RFK: variants seen among roughly 807,000 people sequenced by gnomAD.
RFK encodes riboflavin kinase.
In RFK, 4 loss-of-function variants were observed where a neutral mutation model predicts 17.6. The ratio of observed to expected loss-of-function variants is 0.23; its 90% CI spans 0.11 to 0.52. RFK has a LOEUF of 0.52. Ranked by LOEUF, RFK falls within the 20% of genes least tolerant of loss-of-function variation. The probability of loss-of-function intolerance (pLI) is 0.96; values close to 1 mark genes in which losing one functional copy is unlikely to be tolerated. For synonymous variants in RFK, 59 were observed against 63.8 expected, an observed-to-expected ratio of 0.92 and a Z score of 0.36; for missense variants, 189 against 187.7, an observed-to-expected ratio of 1.01 and a Z score of -0.04.
At chr9:76,392,368 T>C (rs1460699254) in intron 2 of RFK, 50 bp downstream of exon 2, 1 of 1,584,382 alleles carries the variant, frequency 6.3e-7, no homozygotes, top group African/African-American at 1.3e-5. Context: ...TAATATATTA[T>C]TCTAAGTCAT....
Position 76,387,500 on chromosome 9 carries a change from T to C in RFK, c.367A>G (p.Ile123Val). ...TCTAGTCGTTTCTTAGCTTCTTCAA[T>C]ATCACCTTGAATTGCTGAAATAAGT... ...ESLISAIQGD[I>V]EEAKKRLELP... The change falls in exon 4 of 4, where the codon ATT becomes GTT. Residue 123 changes from isoleucine to valine, a missense_variant. Around this residue, in one of 3 missense-constraint regions of RFK, gnomAD observed 95 missense variants for 95.7 expected, o/e 0.99. Transcript: ENST00000376736. 1 of 1,611,554 alleles carries C rather than the reference T, an allele frequency of 6.2e-7. No homozygotes were observed. The highest frequency in any genetic ancestry group is 8.5e-7 in the Non-Finnish European group (1 of 1,179,440).
intron 1 of RFK, among the ~76,000 whole-genome samples, 171 bp from the exon 2 acceptor site, chr9:76,392,740 T>C (rs1358972497): frequency 6.6e-6 from 1 of 152,058 alleles, no homozygotes; most frequent in Non-Finnish European, 1.5e-5. Flanking sequence ...AGATCTTACC[T>C]CTATTAAAAA....
At chr9:76,394,057 C>T in intron 1 of RFK, 33 bp downstream of exon 1, 2 of 1,558,358 alleles carry the variant, frequency 1.3e-6, no homozygotes, top group Non-Finnish European at 1.7e-6. Flanking sequence ...CCACGTGACC[C>T]GGCCCGGGGG....
At position 76,387,246 on chromosome 9, in the gene RFK, G is replaced by A. The variant is rs1162702965; in HGVS notation, c.*153C>T. The A allele has an allele frequency of 3.4e-5, 22 of 654,100 alleles. No individual in the cohort carries two copies. Among genetic ancestry groups the A allele is most frequent in the Non-Finnish European group, 5.4e-5 (21 of 388,420 alleles). The allele number at this position is 654,100 out of a possible 1,614,324, so 40.5% of individuals were successfully genotyped here. A position where few individuals can be genotyped will look rare whatever the true frequency, so the allele number is the denominator to read the frequency against. On this transcript the variant is annotated 3_prime_UTR_variant, in exon 4 of 4. Transcript: ENST00000376736. Reference sequence around the variant, plus strand: ...ATATGATGGGCTTAATTTAATAGTTGAAGCATGATATGATAACAACATTGT... The same window carrying A: ...ATATGATGGGCTTAATTTAATAGTTAAAGCATGATATGATAACAACATTGT...
chr9:76,394,373 G>C lies in RFK; in HGVS notation c.-202C>G. ...CCGCCGACCCAACAAATACCGCCGG[G>C]CGCCTGAGGAGCTGCGTCTCCGCTG... On this transcript the variant is annotated 5_prime_UTR_variant, in exon 1 of 4. Coordinates refer to ENST00000376736, the MANE Select transcript of RFK (RefSeq NM_018339.6). 2.0e-6 allele frequency: 1 copy of C among 503,138 alleles called. No homozygotes were observed. Among genetic ancestry groups the C allele is most frequent in the Non-Finnish European group, 3.5e-6 (1 of 288,424 alleles). The allele number at this position is 503,138 out of a possible 1,614,324, so 31.2% of individuals were successfully genotyped here.
rs1395211909 is a variant in RFK at position 76,386,054 on chromosome 9, A to G, written c.*1345T>C. 6.6e-6 allele frequency: 1 copy of G among 152,224 alleles called. No individual in the cohort carries two copies. Among genetic ancestry groups the G allele is most frequent in the East Asian group, 1.9e-4 (1 of 5,202 alleles). The allele number at this position is 152,224 out of a possible 1,614,324, so 9.4% of individuals were successfully genotyped here. On this transcript the variant is annotated 3_prime_UTR_variant, in exon 4 of 4. Transcript: ENST00000376736. ...AGATTAGGGGAAAATGATTCATAAT[A>G]AATTAACTTTAAAATTACCTTCTAT...
At chr9:76,393,208 CTTT>C (rs10716702) in intron 1 of RFK, among the ~76,000 whole-genome samples, 20 of 131,782 alleles carry the variant, frequency 1.5e-4, no homozygotes, top group Non-Finnish European at 2.3e-4. Flanking sequence ...AAGTTTCTTT[CTTT>C]TTTTTTTTTT....
intron 3 of RFK, 191 bp from the exon 4 acceptor site, chr9:76,387,720 CCGG>C: frequency 2.5e-6 from 1 of 400,726 alleles, no homozygotes; most frequent in Middle Eastern, 8.4e-4. Flanking sequence ...TGTCCCTAGG[CCGG>C]GGGCAGTGGC....
At chr9:76,392,626 G>C in intron 1 of RFK, 57 bp from the exon 2 acceptor site, 1 of 1,548,176 alleles carries the variant, frequency 6.5e-7, no homozygotes, top group Non-Finnish European at 8.9e-7. Context: ...AATGCCTGTA[G>C]CCGAGTGCAG....
chr9:76,393,393 G>C (rs568790342), intron 1 of RFK, among the ~76,000 whole-genome samples: 1 of 152,024 alleles, frequency 6.6e-6, no homozygotes, highest in African/African-American at 2.4e-5. Flanking sequence ...TTTTAGCAGA[G>C]ACGGGGTTTT....
chr9:76,393,130 A>G (rs1012601448), intron 1 of RFK, among the ~76,000 whole-genome samples: 1 of 152,128 alleles, frequency 6.6e-6, no homozygotes. Context: ...GGATGCAAAA[A>G]ACAAGTACCA....
chr9:76,388,287 C>G (rs554489213), intron 3 of RFK: 9 of 568,996 alleles, frequency 1.6e-5, no homozygotes, highest in African/African-American at 1.5e-4. Flanking sequence ...AGCCAGCCTG[C>G]TAGGTTCAAA....
rs775229261 is a variant in RFK at position 76,394,123 on chromosome 9, C to T, written c.49G>A (p.Gly17Ser). Reference sequence around the variant, plus strand: ...ATGCCCAGCTGCTTGGAGCCGCGGCCGAAGCCCCGCACCACTTGACCCCGG... The same window carrying T: ...ATGCCCAGCTGCTTGGAGCCGCGGCTGAAGCCCCGCACCACTTGACCCCGG... ...FCRGQVVRGFGRGSKQLGIPT... is the reference protein window; with the variant it reads ...FCRGQVVRGFSRGSKQLGIPT... Residue 17 changes from glycine (G) to serine (S), a missense_variant, in exon 1 of 4, where the codon GGC becomes AGC. Gly to Ser is a moderately conservative substitution (Grantham distance 56, BLOSUM62 0). Coordinates refer to ENST00000376736, the MANE Select transcript of RFK (RefSeq NM_018339.6). 5.0e-6 allele frequency: 8 copies of T among 1,609,536 alleles called. No homozygotes were observed. In the South Asian group the frequency reaches 8.9e-5, roughly 18 times the overall value.
intron 3 of RFK, 168 bp from the exon 4 acceptor site, chr9:76,387,697 T>C (rs1170158854): frequency 8.4e-6 from 5 of 593,612 alleles, no homozygotes; most frequent in Non-Finnish European, 1.4e-5. Flanking sequence ...AAGTCAATGG[T>C]ACACAAAAGA....
intron 2 of RFK, 151 bp downstream of exon 2, chr9:76,392,267 T>A: frequency 1.4e-6 from 1 of 699,652 alleles, no homozygotes; most frequent in Non-Finnish European, 2.3e-6. Flanking sequence ...TGAATTAAAC[T>A]CTCCAATTAA....
Position 76,394,424 on chromosome 9 carries a change from A to C in RFK, c.-253T>G. ...GAGGGCAGCGGAGACAGCCGAAGTA[A>C]GTGCCGGGTGTGAGCGGGGTGGGGG... is the stretch of plus-strand genomic sequence containing the variant. On this transcript the variant is annotated 5_prime_UTR_variant, in exon 1 of 4. Transcript: ENST00000376736. 1.3e-5 allele frequency: 5 copies of C among 395,568 alleles called. No homozygotes were observed. The highest frequency in any genetic ancestry group is 1.3e-5 in the Non-Finnish European group (3 of 222,892). 24.5% of individuals were successfully genotyped at this position (395,568 alleles called of 1,614,324 possible). A position where few individuals can be genotyped will look rare whatever the true frequency, so the allele number is the denominator to read the frequency against.
chr9:76,392,225 C>T (rs1822827538), intron 2 of RFK, among the ~76,000 whole-genome samples, 193 bp downstream of exon 2: 1 of 152,164 alleles, frequency 6.6e-6, no homozygotes, highest in Non-Finnish European at 1.5e-5. Context: ...CAGTAGATGT[C>T]CCTCCTTATC....
chr9:76,390,726 C>A (rs115702586), intron 2 of RFK, among the ~76,000 whole-genome samples: 101 of 125,594 alleles, frequency 8.0e-4, no homozygotes, highest in African/African-American at 2.2e-3. Flanking sequence ...AAAAAAAAAA[C>A]CACACACACA....
At chr9:76,388,034 A>G in intron 3 of RFK, 1 of 313,336 alleles carries the variant, frequency 3.2e-6, no homozygotes, top group Non-Finnish European at 6.2e-6. Context: ...CCCTAATCTT[A>G]TATTTTAAGA....
Sources: gnomAD v4.1 joint callset for allele counts (sites outside exome capture counted in the v4.1 genomes callset) on GRCh38, gnomAD v4.1.1 for gene constraint, gnomAD v4.1.1 regional missense constraint, MANE v1.5 for transcripts, NCBI Gene and HGNC (gene_info 2026-07-23, HGNC 2026-07-21) for gene names.